The following KRT73 variants were observed in gnomAD, a reference collection of about 807,000 sequenced individuals.
KRT73 encodes keratin, type II cytoskeletal 73.
Under a neutral mutation model 47.2 loss-of-function variants are expected in KRT73, and 44 were observed. The observed-to-expected ratio is 0.93, with a 90% confidence interval of 0.73 to 1.20. The LOEUF (loss-of-function observed/expected upper bound fraction) is 1.20, where lower values mean the gene tolerates loss of function less well. Ranked by LOEUF, KRT73 falls within the 50% of genes most tolerant of loss-of-function variation. The pLI is 0.00. For missense variants in KRT73, 713 were observed against 704.5 expected, an observed-to-expected ratio of 1.01 and a Z score of -0.14; for synonymous variants, 285 against 291.3, an observed-to-expected ratio of 0.98 and a Z score of 0.22.
At chr12:52,623,322 A>G (rs1309021936), upstream of KRT73, among the ~76,000 whole-genome samples, 2 of 152,242 alleles carry the variant, frequency 1.3e-5, no homozygotes, top group African/African-American at 4.8e-5. Context: ...AGGGAGTGGC[A>G]TAGTTTTCAA....
chr12:52,610,724 C>T lies in KRT73; in HGVS notation c.1222G>A (p.Glu408Lys). Residue 408 changes from glutamate (E) to lysine (K), a missense_variant, in exon 7 of 9, where the codon GAG becomes AAG. Transcript: ENST00000305748. ...ELEGALQQAK[E>K]ELARMLREYQ... The stretch of plus-strand genomic sequence containing the variant: ...TCGCGCAGCATCCGTGCCAGCTCCT[C>T]CTTGGCCTGCTGCAGGGCGCCCTCC... The T allele has an allele frequency of 6.2e-7, 1 of 1,614,070 alleles. No individual in the cohort carries two copies. The highest frequency in any genetic ancestry group is 8.5e-7 in the Non-Finnish European group (1 of 1,180,004).
chr12:52,622,850 C>A (rs551429215), upstream of KRT73, among the ~76,000 whole-genome samples: 8 of 152,148 alleles, frequency 5.3e-5, no homozygotes, highest in Admixed American at 2.0e-4. Flanking sequence ...AATGGATACA[C>A]GTAACAGGAG....
intron 6 of KRT73, 40 bp from the exon 7 acceptor site, chr12:52,610,875 T>C: frequency 1.3e-6 from 2 of 1,519,460 alleles, no homozygotes; most frequent in South Asian, 1.1e-5. Flanking sequence ...AGTTCCTCCC[T>C]GGGCCTCGCT....
At chr12:52,618,004 C>T in intron 1 of KRT73, 74 bp downstream of exon 1, 1 of 1,486,704 alleles carries the variant, frequency 6.7e-7, no homozygotes, top group South Asian at 1.3e-5. Context: ...AATTGAACCA[C>T]AAATTAGGGC....
chr12:52,622,712 G>A (rs1017673549), upstream of KRT73, among the ~76,000 whole-genome samples: 1 of 152,180 alleles, frequency 6.6e-6, no homozygotes. Context: ...CTTTCCACAC[G>A]AGGGCGAAGG....
upstream of KRT73, among the ~76,000 whole-genome samples, chr12:52,623,181 A>G (rs1940927928): frequency 6.6e-6 from 1 of 152,248 alleles, no homozygotes; most frequent in Non-Finnish European, 1.5e-5. Flanking sequence ...ATACCTAGAC[A>G]TATTATAGTC....
intron 3 of KRT73, 76 bp from the exon 4 acceptor site, chr12:52,614,750 C>A (rs554937192): frequency 1.7e-6 from 2 of 1,191,526 alleles, no homozygotes; most frequent in Admixed American, 2.2e-5. Flanking sequence ...CTGACACCTG[C>A]AGGCCCTGCC....
upstream of KRT73, among the ~76,000 whole-genome samples, chr12:52,621,068 T>C (rs1258322490): frequency 6.6e-6 from 1 of 152,094 alleles, no homozygotes; most frequent in Admixed American, 6.6e-5. Context: ...CTAAGAACAG[T>C]ATCCCTAGCA....
At chr12:52,619,995 G>A (rs1407916205), upstream of KRT73, among the ~76,000 whole-genome samples, 1 of 150,292 alleles carries the variant, frequency 6.7e-6, no homozygotes. Flanking sequence ...CAATATGGTT[G>A]TTTTCTAGTT....
the KRT73 span, among the ~76,000 whole-genome samples, chr12:52,626,859 G>A: frequency 4.6e-5 from 7 of 152,120 alleles, no homozygotes; most frequent in African/African-American, 1.7e-4. Context: ...TCAGGATGTA[G>A]GACTTTCAGT....
chr12:52,616,402 C>A, intron 1 of KRT73, 22 bp from the exon 2 acceptor site: 1 of 1,613,608 alleles, frequency 6.2e-7, no homozygotes, highest in Non-Finnish European at 8.5e-7. Flanking sequence ...GCCACACATA[C>A]TTAAGCAATG....
chr12:52,619,712 A>G (rs1940871665), upstream of KRT73, among the ~76,000 whole-genome samples: 1 of 152,202 alleles, frequency 6.6e-6, no homozygotes, highest in East Asian at 1.9e-4. Flanking sequence ...CTAGCTCACA[A>G]TTTTGGAGAT....
the KRT73 span, among the ~76,000 whole-genome samples, chr12:52,630,047 C>G: frequency 1.3e-5 from 2 of 152,200 alleles, no homozygotes; most frequent in African/African-American, 4.8e-5. Flanking sequence ...CCTTTCTCAA[C>G]AGCAGGGAAA....
intron 7 of KRT73, chr12:52,610,062 C>CTGTTTGTT (rs61285190): frequency 0.27 from 42,918 of 158,492 alleles, 6,225 homozygotes; most frequent in South Asian, 0.39. Flanking sequence ...TGTGTTTTGT[C>CTGTTTGTT]TGTTTGTTTG....
upstream of KRT73, chr12:52,618,625 G>T: frequency 1.6e-6 from 2 of 1,273,350 alleles, no homozygotes; most frequent in South Asian, 1.5e-5. Flanking sequence ...ACTCAAGAGG[G>T]AGCCATGGGC....
intron 1 of KRT73, among the ~76,000 whole-genome samples, chr12:52,617,553 T>C (rs1332092520): frequency 6.6e-6 from 1 of 152,194 alleles, no homozygotes; most frequent in East Asian, 1.9e-4. Context: ...GGACTGAGTC[T>C]GAGCTTTCAG....
chr12:52,618,631 T>TG, upstream of KRT73: 1 of 1,211,592 alleles, frequency 8.3e-7, no homozygotes, highest in South Asian at 1.7e-5. Context: ...GAGGGAGCCA[T>TG]GGGCCTAATT....
At position 52,613,695 on chromosome 12, in the gene KRT73, T is replaced by C. The variant is rs1940750265; in HGVS notation, c.977A>G (p.Gln326Arg). The change falls in exon 5 of 9, where the codon CAG becomes CGG. Residue 326 changes from glutamine (Q) to arginine (R), a missense_variant. Gln to Arg is a conservative substitution (Grantham distance 43). Transcript: ENST00000305748. ...GGAGTTTTGCGGCCTCACCTTGGTCTGGTACAGGGCCTCGGCCTCGGCCTT... is the reference window on the plus strand; with the variant it reads ...GGAGTTTTGCGGCCTCACCTTGGTCCGGTACAGGGCCTCGGCCTCGGCCTT... ...KSKAEAEALY[Q>R]TKFQELQLAA... is the part of the protein sequence containing the mutation. The C allele has an allele frequency of 1.2e-6, 2 of 1,614,138 alleles. No individual in the cohort carries two copies. Among genetic ancestry groups the C allele is most frequent in the South Asian group, 1.1e-5 (1 of 91,078 alleles).
At chr12:52,610,590 C>T in intron 7 of KRT73, 25 bp downstream of exon 7, 1 of 1,329,106 alleles carries the variant, frequency 7.5e-7, no homozygotes, top group Non-Finnish European at 9.9e-7. Context: ...CTTGCAGTTT[C>T]TTCCAGTCCC....
Sources: allele counts gnomAD v4.1 joint callset (sites outside exome capture counted in the v4.1 genomes callset), GRCh38; gene constraint gnomAD v4.1.1; transcripts MANE v1.5; gene names NCBI Gene and HGNC (gene_info 2026-07-23, HGNC 2026-07-21).